OTOG: variants seen among roughly 807,000 people sequenced by gnomAD.
The protein encoded by OTOG is otogelin.
In OTOG, 296 loss-of-function variants were observed where a neutral mutation model predicts 313.8. The observed-to-expected ratio is 0.94, with a 90% confidence interval of 0.86 to 1.04. OTOG has a LOEUF of 1.04. OTOG is among the 50% of genes least tolerant of loss of function. The probability of loss-of-function intolerance (pLI) is 0.00; values close to 1 mark genes in which losing one functional copy is unlikely to be tolerated. For missense variants in OTOG, 3,948 were observed against 3,840.1 expected, an observed-to-expected ratio of 1.03 and a Z score of -0.74; for synonymous variants, 1,533 against 1,554.9, an observed-to-expected ratio of 0.99 and a Z score of 0.33.
intron 25 of OTOG, 62 bp from the exon 26 acceptor site, chr11:17,593,131 G>A: frequency 6.8e-7 from 1 of 1,480,174 alleles, no homozygotes; most frequent in Non-Finnish European, 9.1e-7. Flanking sequence ...CTCCACCTCT[G>A]TACCTCTTGG....
intron 23 of OTOG, among the ~76,000 whole-genome samples, chr11:17,579,351 G>A (rs965084033): frequency 2.6e-5 from 4 of 152,174 alleles, no homozygotes; most frequent in African/African-American, 4.8e-5. Flanking sequence ...ACACTTTCAT[G>A]TTATTACCTC....
chr11:17,561,775 A>C lies in OTOG; in HGVS notation c.1612A>C (p.Thr538Pro), dbSNP rs1312684313. Residue 538 changes from threonine to proline, a missense_variant, in exon 15 of 56, where the codon ACC becomes CCC. Thr to Pro is a conservative substitution (Grantham distance 38). Coordinates refer to ENST00000399397, the MANE Select transcript of OTOG (RefSeq NM_001292063.2). The part of the protein sequence containing the change: ...LAKSRSSGTF[T>P]VTLQNAPCGL... ...CAAGAGCCGCTCTTCGGGCACCTTC[A>C]CCGTGACATTGCAGAATGCCCCATG... 6.5e-7 allele frequency: 1 copy of C among 1,550,154 alleles called. No homozygotes were observed. Among genetic ancestry groups the C allele is most frequent in the Non-Finnish European group, 8.7e-7 (1 of 1,146,936 alleles).
chr11:17,593,125 A>T (rs1362938496), intron 25 of OTOG, 68 bp from the exon 26 acceptor site: 9 of 1,439,060 alleles, frequency 6.3e-6, no homozygotes, highest in Non-Finnish European at 8.4e-6. Flanking sequence ...GTGTTCCTCC[A>T]CCTCTGTACC....
rs1479758824 is a variant in OTOG at position 17,611,188 on chromosome 11, C to T, written c.5888C>T (p.Ser1963Phe). 1.9e-6 allele frequency: 3 copies of T among 1,550,472 alleles called. No individual in the cohort carries two copies. The highest frequency in any genetic ancestry group is 2.6e-6 in the Non-Finnish European group (3 of 1,147,016). Reference protein sequence around the residue: ...QAGTALPVPTSYALSRVSART... With the variant: ...QAGTALPVPTFYALSRVSART... ...GGCACAGCTCTGCCAGTGCCCACAT[C>T]CTATGCCCTGAGCCGTGTCTCAGCC... is the stretch of plus-strand genomic sequence containing the variant. Residue 1963 changes from serine to phenylalanine, a missense_variant, in exon 36 of 56, where the codon TCC (serine) becomes TTC (phenylalanine). Transcript: ENST00000399397.
At chr11:17,632,702 A>G (rs1436134661) in intron 42 of OTOG, among the ~76,000 whole-genome samples, 1 of 152,018 alleles carries the variant, frequency 6.6e-6, no homozygotes. Context: ...TCCTGCAGGA[A>G]GGAAATGAGA....
chr11:17,637,059 G>A (rs754283803), intron 47 of OTOG, among the ~76,000 whole-genome samples: 2 of 152,092 alleles, frequency 1.3e-5, no homozygotes, highest in Non-Finnish European at 2.9e-5. Context: ...TATATGCATT[G>A]TAGAAAGTAC....
At chr11:17,564,881 T>G (rs1247119674) in intron 15 of OTOG, among the ~76,000 whole-genome samples, 3 of 152,200 alleles carry the variant, frequency 2.0e-5, no homozygotes, top group Admixed American at 1.3e-4. Context: ...GGGTTGGATG[T>G]TATCACAGCA....
At chr11:17,559,902 GAGGA>G (rs72384155) in intron 12 of OTOG, among the ~76,000 whole-genome samples, 15 of 88,828 alleles carry the variant, frequency 1.7e-4, no homozygotes, top group African/African-American at 3.8e-4. Flanking sequence ...GGGAGGGAGG[GAGGA>G]AGGAAGGAAA....
Position 17,602,124 on chromosome 11 carries a change from C to A in OTOG, c.3710-86C>A, listed in dbSNP as rs574711655. ...CCTCCTTGGTAGCTTGCCCTCCCAC[C>A]CCACTGCTGCCAAGGGGTGGGGCAG... On this transcript the variant is annotated intron_variant, in intron 31 of 55. Transcript: ENST00000399397. The A allele has an allele frequency of 4.1e-6, 6 of 1,461,448 alleles. No individual in the cohort carries two copies. The East Asian group carries it at 1.2e-4, about 30-fold the overall frequency. The allele number at this position is 1,461,448 out of a possible 1,614,324, so 90.5% of individuals were successfully genotyped here.
Position 17,547,410 on chromosome 11 carries a change from G to A in OTOG, c.38G>A (p.Cys13Tyr), listed in dbSNP as rs1851830866. The change falls in exon 1 of 56, where the codon TGT (cysteine) becomes TAT (tyrosine). Residue 13 changes from cysteine (C) to tyrosine (Y), a missense_variant. Cys to Tyr is a radical substitution (Grantham distance 194). Transcript: ENST00000399397. ...VLASALCWLL[C>Y]VWLPWGEQAA... The stretch of plus-strand genomic sequence containing the variant: ...GCGTCTGCGCTCTGCTGGCTGCTTT[G>A]TGTCTGGCTGCCCTGGGGTGAGCAG... 1 of 1,422,224 alleles carries A rather than the reference G, an allele frequency of 7.0e-7. No homozygotes were observed. Among genetic ancestry groups the A allele is most frequent in the Non-Finnish European group, 9.1e-7 (1 of 1,093,154 alleles). 88.1% of individuals were successfully genotyped at this position (1,422,224 alleles called of 1,614,324 possible).
intron 32 of OTOG, among the ~76,000 whole-genome samples, 160 bp downstream of exon 32, chr11:17,602,537 T>G (rs915815408): frequency 2.0e-5 from 3 of 152,144 alleles, no homozygotes; most frequent in Non-Finnish European, 4.4e-5. Context: ...GGTCAGCTTC[T>G]TCTCCTCTGC....
intron 24 of OTOG, among the ~76,000 whole-genome samples, chr11:17,588,822 A>G (rs1011288467): frequency 1.3e-5 from 2 of 151,596 alleles, no homozygotes; most frequent in African/African-American, 4.9e-5. Flanking sequence ...GCCGTTCCCA[A>G]CAACTCACCC....
At chr11:17,619,919 T>C (rs1162346396) in intron 39 of OTOG, among the ~76,000 whole-genome samples, 3 of 152,220 alleles carry the variant, frequency 2.0e-5, no homozygotes, top group Admixed American at 6.5e-5. Context: ...TTAACACTTA[T>C]GTAGTACAGA....
chr11:17,606,094 A>G lies in OTOG; in HGVS notation c.4115A>G (p.His1372Arg). The change falls in exon 33 of 56, where the codon CAC becomes CGC. Residue 1372 changes from histidine to arginine, a missense_variant. Transcript: ENST00000399397. The part of the protein sequence containing the change: ...GAVLALRLYE[H>R]TEVFRRGTLF... The stretch of plus-strand genomic sequence containing the variant: ...GTGCTGGCCCTGCGGCTGTACGAAC[A>G]CACAGAGGTGTTCCGCCGGGGCACA... 1 of 1,548,168 alleles carries G rather than the reference A, an allele frequency of 6.5e-7. No individual in the cohort carries two copies. The highest frequency in any genetic ancestry group is 8.7e-7 in the Non-Finnish European group (1 of 1,145,570).
At chr11:17,565,767 C>G (rs1378221324) in intron 15 of OTOG, among the ~76,000 whole-genome samples, 1 of 152,196 alleles carries the variant, frequency 6.6e-6, no homozygotes, top group African/African-American at 2.4e-5. Flanking sequence ...GGAGATCATA[C>G]AGTTGACTCC....
rs936593200 is a variant in OTOG, at chr11:17,610,983, G to C, written c.5683G>C (p.Ala1895Pro). ...SGVLPVAEGT[A>P]SMVSVVPRKS... ...AGTCCTGCCTGTGGCTGAGGGCACG[G>C]CCTCCATGGTATCTGTTGTCCCACG... The change falls in exon 36 of 56, where the codon GCC becomes CCC. Residue 1895 changes from alanine to proline, a missense_variant. Ala to Pro is a conservative substitution (Grantham distance 27). Transcript: ENST00000399397. 1.2e-5 allele frequency: 18 copies of C among 1,550,456 alleles called. No individual in the cohort carries two copies. Among genetic ancestry groups the C allele is most frequent in the Non-Finnish European group, 6.1e-6 (7 of 1,147,026 alleles).
intron 22 of OTOG, 162 bp from the exon 23 acceptor site, chr11:17,578,211 T>A (rs1852581385): frequency 4.3e-6 from 6 of 1,380,776 alleles, no homozygotes; most frequent in Non-Finnish European, 5.6e-6. Flanking sequence ...TACCCCTCCC[T>A]CTGTGAGGCG....
At position 17,558,187 on chromosome 11, in the gene OTOG, A is replaced by ACAGATGTC. The variant is rs1484146673; in HGVS notation, c.868_869insCAGATGTC (p.Lys290ThrfsTer5). The ACAGATGTC allele has an allele frequency of 2.6e-6, 4 of 1,550,356 alleles. No individual in the cohort carries two copies. In the East Asian group the frequency reaches 9.8e-5, roughly 38 times the overall value. On this transcript the variant is annotated frameshift_variant, in exon 9 of 56. Transcript: ENST00000399397. LOFTEE classifies it high-confidence loss of function. ...ATGATGTCAGCTCCCTCCTCCAGGGAAGCTGACTGACGACGTGGTTGAGTT... is the reference window on the plus strand; with the variant it reads ...ATGATGTCAGCTCCCTCCTCCAGGGACAGATGTCAGCTGACTGACGACGTGGTTGAGTT...
At chr11:17,633,989 G>A in intron 43 of OTOG, 80 bp from the exon 44 acceptor site, 1 of 1,489,542 alleles carries the variant, frequency 6.7e-7, no homozygotes, top group Admixed American at 2.0e-5. Context: ...GGGGTGGCCA[G>A]TAAACCAGGG....
Sources: gnomAD v4.1 joint callset for allele counts (sites outside exome capture counted in the v4.1 genomes callset) on GRCh38, gnomAD v4.1.1 for gene constraint, MANE v1.5 for transcripts, NCBI Gene and HGNC (gene_info 2026-07-23, HGNC 2026-07-21) for gene names.